The following DIAPH2 variants were observed in gnomAD, a reference collection of about 807,000 sequenced individuals.
DIAPH2 encodes the protein protein diaphanous homolog 2.
Under a neutral mutation model 92.7 loss-of-function variants are expected in DIAPH2, and 35 were observed. The observed-to-expected ratio is 0.38, with a 90% CI of 0.29 to 0.50. The LOEUF is 0.50. DIAPH2 is among the 20% of genes least tolerant of loss of function. The pLI is 0.94. For missense variants in DIAPH2, 701 were observed against 819.5 expected (o/e 0.86, Z 1.77); for synonymous variants, 301 against 280.4 (o/e 1.07, Z -0.73).
chrX:97,431,193 G>C (rs2070123202), intron 26 of DIAPH2: 1 of 111,984 alleles, frequency 8.9e-6, no homozygotes, highest in African/African-American at 3.2e-5. Context: ...ATGCCATCAA[G>C]CCCCTATCAC....
chrX:97,321,090 C>T (rs1271846298), intron 23 of DIAPH2, among the ~76,000 whole-genome samples: 2 of 111,283 alleles, frequency 1.8e-5, no homozygotes, highest in Non-Finnish European at 3.8e-5. Flanking sequence ...TTATACAATT[C>T]TTTAATAGCT....
intron 23 of DIAPH2, among the ~76,000 whole-genome samples, chrX:97,289,867 C>T (rs1261538200): frequency 9.1e-5 from 10 of 109,935 alleles, no homozygotes; most frequent in Admixed American, 6.9e-4. Flanking sequence ...TGGGACTACA[C>T]GCGTGTGCCA....
chrX:97,521,673 G>C (rs1453480354), intron 26 of DIAPH2, among the ~76,000 whole-genome samples: 2 of 111,239 alleles, frequency 1.8e-5, no homozygotes, highest in Middle Eastern at 4.6e-3. Flanking sequence ...CCTTGGCTCT[G>C]TTCTCATTCT....
At chrX:96,926,247 T>C (rs1366390385) in intron 9 of DIAPH2, among the ~76,000 whole-genome samples, 1 of 111,576 alleles carries the variant, frequency 9.0e-6, no homozygotes. Context: ...CCAGTAATTT[T>C]ATGAAGATAT....
chrX:96,886,965 T>C (rs1368995801), intron 5 of DIAPH2, among the ~76,000 whole-genome samples: 1 of 109,872 alleles, frequency 9.1e-6, no homozygotes, highest in Non-Finnish European at 1.9e-5. Context: ...ACTGATACAC[T>C]GAGATATGTA....
chrX:97,379,485 C>T (rs750811459), intron 24 of DIAPH2, among the ~76,000 whole-genome samples: 152 of 112,261 alleles, frequency 1.4e-3, no homozygotes, highest in African/African-American at 4.6e-3. Flanking sequence ...ATCTGTTCAA[C>T]AGTCCTGTGA....
intron 1 of DIAPH2, among the ~76,000 whole-genome samples, chrX:96,694,792 C>T (rs1236192165): frequency 1.8e-5 from 2 of 111,568 alleles, no homozygotes; most frequent in Non-Finnish European, 3.8e-5. Context: ...CCTCACATTA[C>T]AAAATCAACG....
At chrX:96,813,521 A>G (rs1200001987) in intron 4 of DIAPH2, among the ~76,000 whole-genome samples, 1 of 111,451 alleles carries the variant, frequency 9.0e-6, no homozygotes, top group Non-Finnish European at 1.9e-5. Context: ...TAGCCCATTT[A>G]CATTTAAGGT....
intron 5 of DIAPH2, 37 bp downstream of exon 5, chrX:96,881,755 A>G: frequency 8.6e-7 from 1 of 1,168,103 alleles, no homozygotes; most frequent in Non-Finnish European, 1.2e-6. Flanking sequence ...GATTCATACA[A>G]TTTGTAGTGC....
At chrX:97,438,351 G>GTT (rs1569397496) in intron 26 of DIAPH2, among the ~76,000 whole-genome samples, 2 of 51,336 alleles carry the variant, frequency 3.9e-5, no homozygotes, top group African/African-American at 7.8e-5. Context: ...TTTTTTTTTT[G>GTT]TTTGTTTGTT....
At chrX:97,305,495 A>G (rs915617965) in intron 23 of DIAPH2, among the ~76,000 whole-genome samples, 4 of 108,026 alleles carry the variant, frequency 3.7e-5, no homozygotes, top group African/African-American at 6.8e-5. Context: ...CTCCGTCTCA[A>G]AAAACAAACA....
At chrX:97,075,519 C>A (rs1414638037) in intron 19 of DIAPH2, among the ~76,000 whole-genome samples, 3 of 111,743 alleles carry the variant, frequency 2.7e-5, no homozygotes, top group African/African-American at 9.7e-5. Context: ...ATAGACATAT[C>A]ATTGTCCATT....
chrX:97,201,622 T>C (rs2067750927), intron 22 of DIAPH2, among the ~76,000 whole-genome samples: 1 of 108,385 alleles, frequency 9.2e-6, no homozygotes, highest in South Asian at 4.1e-4. Context: ...TTGGAGAACA[T>C]AGAATGAAAA....
intron 12 of DIAPH2, 102 bp downstream of exon 12, chrX:96,939,484 G>GTGTGTGTA (rs745521574): frequency 7.0e-5 from 10 of 143,876 alleles, no homozygotes; most frequent in African/African-American, 3.6e-4. Flanking sequence ...ATATGTGTGT[G>GTGTGTGTA]TATGTATATA....
At chrX:96,923,549 C>T (rs969436952) in intron 9 of DIAPH2, among the ~76,000 whole-genome samples, 5 of 111,954 alleles carry the variant, frequency 4.5e-5, no homozygotes, top group Non-Finnish European at 9.4e-5. Context: ...CCTATTTATT[C>T]TCTTTTCATA....
intron 22 of DIAPH2, among the ~76,000 whole-genome samples, chrX:97,207,317 G>A (rs1401595162): frequency 2.7e-5 from 3 of 111,750 alleles, no homozygotes; most frequent in Non-Finnish European, 5.6e-5. Context: ...ACCCAAGTTA[G>A]ATTGAAAGTA....
chrX:97,216,313 C>T (rs2067883238), intron 22 of DIAPH2, among the ~76,000 whole-genome samples: 1 of 111,059 alleles, frequency 9.0e-6, no homozygotes, highest in African/African-American at 3.3e-5. Context: ...TTTTATTCTT[C>T]ATTATTTTTG....
chrX:96,722,036 G>T (rs1042273152), intron 1 of DIAPH2, among the ~76,000 whole-genome samples: 1 of 110,873 alleles, frequency 9.0e-6, no homozygotes, highest in Non-Finnish European at 1.9e-5. Context: ...TTCCTTTTAG[G>T]TATTCATGTC....
At chrX:97,422,218 C>T (rs1442854553) in intron 25 of DIAPH2, among the ~76,000 whole-genome samples, 1 of 110,796 alleles carries the variant, frequency 9.0e-6, no homozygotes, top group Non-Finnish European at 1.9e-5. Flanking sequence ...CACACACACA[C>T]AGTGCACATG....
Sources: allele counts gnomAD v4.1 joint callset (sites outside exome capture counted in the v4.1 genomes callset), GRCh38; gene constraint gnomAD v4.1.1; transcripts MANE v1.5; gene names NCBI Gene and HGNC (gene_info 2026-07-23, HGNC 2026-07-21).